CSMD1: variants seen among roughly 807,000 people sequenced by gnomAD.
The protein encoded by CSMD1 is CUB and Sushi multiple domains 1, also known as CUB and sushi domain-containing protein 1.
A neutral mutation model predicts 417.5 loss-of-function variants in CSMD1; 213 were observed. The ratio of observed to expected loss-of-function variants is 0.51; its 90% CI spans 0.46 to 0.57. The LOEUF (loss-of-function observed/expected upper bound fraction) is 0.57, where lower values mean the gene tolerates loss of function less well. Ranked by LOEUF, CSMD1 falls within the 20% of genes least tolerant of loss-of-function variation. The pLI is 0.00. For missense variants in CSMD1, 6,923 were observed against 4,529.7 expected (o/e 1.53, Z -15.17); for synonymous variants, 2,862 against 1,736.8 (o/e 1.65, Z -16.11).
intron 9 of CSMD1, among the ~76,000 whole-genome samples, chr8:3,584,900 T>C (rs1800532582): frequency 1.3e-5 from 2 of 152,316 alleles, no homozygotes; most frequent in South Asian, 4.1e-4. Flanking sequence ...TACAGCTCTT[T>C]GAAGTGCTTA....
At chr8:3,628,056 C>T (rs1337205428) in intron 7 of CSMD1, among the ~76,000 whole-genome samples, 2 of 152,100 alleles carry the variant, frequency 1.3e-5, no homozygotes, top group African/African-American at 4.8e-5. Flanking sequence ...GATTAAAAAA[C>T]AGAACGTGGT....
intron 1 of CSMD1, among the ~76,000 whole-genome samples, chr8:4,756,393 C>T (rs570391111): frequency 2.6e-5 from 4 of 152,192 alleles, no homozygotes; most frequent in South Asian, 2.1e-4. Context: ...TTTTCTGACC[C>T]GACCAAGTTG....
chr8:4,225,398 T>C (rs1481878274), intron 3 of CSMD1, among the ~76,000 whole-genome samples: 1 of 152,154 alleles, frequency 6.6e-6, no homozygotes, highest in Non-Finnish European at 1.5e-5. Flanking sequence ...TTCTAGTTCG[T>C]AAGCCTCTAG....
chr8:4,105,864 A>G (rs1475926268), intron 3 of CSMD1, among the ~76,000 whole-genome samples: 1 of 152,174 alleles, frequency 6.6e-6, no homozygotes, highest in East Asian at 1.9e-4. Context: ...TCCCGGGACA[A>G]CAGAGCAGAC....
At chr8:4,682,977 T>C (rs1239808140) in intron 1 of CSMD1, among the ~76,000 whole-genome samples, 1 of 143,280 alleles carries the variant, frequency 7.0e-6, no homozygotes, top group Admixed American at 6.9e-5. Flanking sequence ...TATATATATA[T>C]ATATATATAT....
intron 12 of CSMD1, among the ~76,000 whole-genome samples, chr8:3,432,912 C>A (rs1454665020): frequency 6.6e-6 from 1 of 152,182 alleles, no homozygotes; most frequent in East Asian, 1.9e-4. Context: ...CACACAGTTA[C>A]ATTTCTTCTA....
At chr8:4,200,134 C>A (rs1169618772) in intron 3 of CSMD1, among the ~76,000 whole-genome samples, 2 of 152,154 alleles carry the variant, frequency 1.3e-5, no homozygotes, top group Non-Finnish European at 2.9e-5. Flanking sequence ...AGATTTCCTT[C>A]CTTTAACATT....
In CSMD1 at chr8:3,274,456, G is replaced by C. The variant is rs556511828; in HGVS notation, c.4153+9688C>G. ...ATGTCTATTAGGTCCGCTTGGTGCA[G>C]AGCTGAGTTAAGTTCCTGGGTATGC... On this transcript the variant is annotated intron_variant, in intron 26 of 69. Transcript: ENST00000635120. 2.0e-5 allele frequency among the ~76,000 whole-genome samples: 3 copies of C among 152,246 alleles called. No homozygotes were observed. The South Asian group carries it at 6.2e-4, about 32-fold the overall frequency.
intron 50 of CSMD1, among the ~76,000 whole-genome samples, chr8:3,031,503 C>A (rs1187769259): frequency 6.6e-6 from 1 of 152,070 alleles, no homozygotes; most frequent in Non-Finnish European, 1.5e-5. Flanking sequence ...CTTGAACTAT[C>A]TTTTACAAAC....
intron 7 of CSMD1, among the ~76,000 whole-genome samples, chr8:3,650,714 C>T (rs149087306): frequency 1.3e-5 from 2 of 152,298 alleles, no homozygotes; most frequent in Admixed American, 6.5e-5. Context: ...AAAGAAAGGG[C>T]ATCAACGACT....
intron 25 of CSMD1, among the ~76,000 whole-genome samples, chr8:3,306,979 T>TATATGTGTTACTTTAGAGTA (rs1373589652): frequency 6.6e-6 from 1 of 152,164 alleles, no homozygotes; most frequent in Non-Finnish European, 1.5e-5. Context: ...GATTTTCTTT[T>TATATGTGTTACTTTAGAGTA]ATATGTGTTA....
chr8:4,954,441 A>T (rs916221214), intron 1 of CSMD1, among the ~76,000 whole-genome samples: 1 of 152,184 alleles, frequency 6.6e-6, no homozygotes, highest in African/African-American at 2.4e-5. Flanking sequence ...ACAATTGTAT[A>T]GCTGACACCA....
intron 5 of CSMD1, among the ~76,000 whole-genome samples, chr8:3,789,259 T>C (rs1799600775): frequency 6.6e-6 from 1 of 152,134 alleles, no homozygotes; most frequent in Admixed American, 6.5e-5. Context: ...GGTTTTGGAC[T>C]TCCCAGCCTC....
intron 3 of CSMD1, among the ~76,000 whole-genome samples, chr8:4,264,411 T>A (rs1346911315): frequency 1.3e-5 from 2 of 152,192 alleles, no homozygotes; most frequent in African/African-American, 4.8e-5. Context: ...AGGTTGCACA[T>A]GTATCTAAGG....
intron 20 of CSMD1, 122 bp downstream of exon 20, chr8:3,366,910 C>T (rs1809609746): frequency 2.0e-5 from 16 of 792,816 alleles, no homozygotes; most frequent in Non-Finnish European, 2.9e-5. Flanking sequence ...AATCAAGTCA[C>T]GCATGTACAA....
intron 1 of CSMD1, among the ~76,000 whole-genome samples, chr8:4,813,923 T>A (rs905696139): frequency 3.9e-5 from 6 of 152,346 alleles, no homozygotes; most frequent in East Asian, 1.9e-4. Flanking sequence ...ATTTCTTAAA[T>A]GTTTGTAATT....
intron 20 of CSMD1, among the ~76,000 whole-genome samples, chr8:3,361,651 C>A (rs1428565011): frequency 4.1e-3 from 323 of 79,152 alleles, no homozygotes; most frequent in African/African-American, 7.7e-3. Context: ...GATTCCATCT[C>A]AAAAAAAAAA....
chr8:3,552,133 G>A (rs1047542065), intron 10 of CSMD1, among the ~76,000 whole-genome samples: 1 of 152,152 alleles, frequency 6.6e-6, no homozygotes, highest in African/African-American at 2.4e-5. Context: ...GAGGCACTTT[G>A]AATTCATCCC....
At chr8:3,694,980 C>G (rs542372810) in intron 7 of CSMD1, among the ~76,000 whole-genome samples, 6 of 151,820 alleles carry the variant, frequency 4.0e-5, no homozygotes, top group Non-Finnish European at 8.8e-5. Context: ...TGTATCCTAC[C>G]TGAGTTTTTA....
Sources: gnomAD v4.1 joint callset for allele counts (sites outside exome capture counted in the v4.1 genomes callset) on GRCh38, gnomAD v4.1.1 for gene constraint, MANE v1.5 for transcripts, NCBI Gene and HGNC (gene_info 2026-07-23, HGNC 2026-07-21) for gene names.